OSTM1: variants seen among roughly 807,000 people sequenced by gnomAD.
OSTM1 encodes osteoclastogenesis associated transmembrane protein 1, also known as osteopetrosis-associated transmembrane protein 1.
In OSTM1, 26 loss-of-function variants were observed where a neutral mutation model predicts 35.4. The ratio of observed to expected loss-of-function variants is 0.73; its 90% CI spans 0.54 to 1.02. The LOEUF (loss-of-function observed/expected upper bound fraction) is 1.02, where lower values mean the gene tolerates loss of function less well. OSTM1 is among the 50% of genes least tolerant of loss of function. The probability of loss-of-function intolerance (pLI) is 0.00; values close to 1 mark genes in which losing one functional copy is unlikely to be tolerated. For synonymous variants in OSTM1, 181 were observed against 165.0 expected, an observed-to-expected ratio of 1.10 and a Z score of -0.75; for missense variants, 366 against 409.6, an observed-to-expected ratio of 0.89 and a Z score of 0.92.
chr6:108,062,017 TTTTCTA>T (rs968683230), intron 2 of OSTM1, among the ~76,000 whole-genome samples: 2 of 151,636 alleles, frequency 1.3e-5, no homozygotes, highest in African/African-American at 4.9e-5. Flanking sequence ...TACTACGTTT[TTTTCTA>T]TTTCTATGTT....
At chr6:108,049,691 T>G in intron 4 of OSTM1, 1 of 444,674 alleles carries the variant, frequency 2.2e-6, no homozygotes, top group Non-Finnish European at 3.7e-6. Flanking sequence ...ATTTGTACAT[T>G]CAAACAAAGA....
chr6:108,063,514 A>C (rs1163289156), intron 2 of OSTM1, among the ~76,000 whole-genome samples: 1 of 152,232 alleles, frequency 6.6e-6, no homozygotes, highest in Non-Finnish European at 1.5e-5. Flanking sequence ...TTAAATTATA[A>C]GACTTGAAAA....
chr6:108,052,193 G>A (rs1056472869), intron 3 of OSTM1, among the ~76,000 whole-genome samples: 1 of 152,160 alleles, frequency 6.6e-6, no homozygotes, highest in Non-Finnish European at 1.5e-5. Flanking sequence ...CCAGCACTTT[G>A]GGAGGCCGAG....
chr6:108,060,563 C>T (rs1772254868), intron 2 of OSTM1, among the ~76,000 whole-genome samples: 1 of 151,652 alleles, frequency 6.6e-6, no homozygotes, highest in Admixed American at 6.6e-5. Context: ...ATTAAAAACA[C>T]AAAAATTGGC....
In OSTM1 at chr6:108,053,685, C is replaced by T. The variant is rs545498284; in HGVS notation, c.615+805G>A. ...TTCACCATATTGGCCAGGTTGATCT[C>T]GAACTCCTGACCTCAAGTGACCTGC... On this transcript the variant is annotated intron_variant, in intron 3 of 5. Transcript: ENST00000193322. 3.3e-5 allele frequency among the ~76,000 whole-genome samples: 5 copies of T among 152,212 alleles called. No homozygotes were observed. In the South Asian group the frequency reaches 1.0e-3, roughly 32 times the overall value.
At chr6:108,046,396 C>G (rs1315081426) in intron 5 of OSTM1, among the ~76,000 whole-genome samples, 1 of 148,198 alleles carries the variant, frequency 6.7e-6, no homozygotes, top group Non-Finnish European at 1.5e-5. Flanking sequence ...GGCTGGAGTG[C>G]AGTGGCGCGA....
At chr6:108,068,756 T>C (rs995720228) in intron 1 of OSTM1, among the ~76,000 whole-genome samples, 2 of 150,156 alleles carry the variant, frequency 1.3e-5, no homozygotes, top group South Asian at 2.2e-4. Context: ...ATAGCCAGCA[T>C]AGCCTTTTAA....
At chr6:108,062,776 C>T (rs1772304909) in intron 2 of OSTM1, among the ~76,000 whole-genome samples, 1 of 152,096 alleles carries the variant, frequency 6.6e-6, no homozygotes, top group Non-Finnish European at 1.5e-5. Context: ...AATTCTCCCA[C>T]CTTGGCCTCC....
intron 1 of OSTM1, among the ~76,000 whole-genome samples, chr6:108,064,693 T>C (rs888885105): frequency 6.6e-6 from 1 of 152,242 alleles, no homozygotes; most frequent in African/African-American, 2.4e-5. Flanking sequence ...CCCTTAATTC[T>C]TTCAAAGTTA....
intron 1 of OSTM1, among the ~76,000 whole-genome samples, chr6:108,066,904 C>T (rs1298834869): frequency 6.6e-6 from 1 of 152,120 alleles, no homozygotes; most frequent in Non-Finnish European, 1.5e-5. Flanking sequence ...CGCCAAGTGA[C>T]CAAAAAATCA....
intron 1 of OSTM1, among the ~76,000 whole-genome samples, chr6:108,066,814 C>G (rs1461579232): frequency 1.3e-5 from 2 of 152,124 alleles, no homozygotes; most frequent in African/African-American, 4.8e-5. Context: ...ATGATATCCA[C>G]CTATATATGT....
chr6:108,046,299 C>A (rs897318882), intron 5 of OSTM1, among the ~76,000 whole-genome samples: 1 of 148,028 alleles, frequency 6.8e-6, no homozygotes, highest in Non-Finnish European at 1.5e-5. Flanking sequence ...GGATTACAGG[C>A]GTGAGCCACC....
chr6:108,065,648 CA>C (rs1231012236), intron 1 of OSTM1, among the ~76,000 whole-genome samples: 2 of 152,140 alleles, frequency 1.3e-5, no homozygotes, highest in Non-Finnish European at 2.9e-5. Context: ...GTTTCAAAAT[CA>C]GGGGTCCTAC....
At chr6:108,073,405 T>C (rs1401152134) in intron 1 of OSTM1, among the ~76,000 whole-genome samples, 1 of 152,138 alleles carries the variant, frequency 6.6e-6, no homozygotes, top group East Asian at 1.9e-4. Flanking sequence ...ATAAAGTACT[T>C]AGGAGCAGGA....
At chr6:108,058,459 C>A (rs192725844) in intron 2 of OSTM1, among the ~76,000 whole-genome samples, 75 of 151,698 alleles carry the variant, frequency 4.9e-4, no homozygotes, top group African/African-American at 1.8e-3. Context: ...ATGATTATAA[C>A]GCTTAGTACA....
At chr6:108,048,582 G>A (rs78110187) in intron 5 of OSTM1, among the ~76,000 whole-genome samples, 5,240 of 152,164 alleles carry the variant, frequency 0.034, 99 homozygotes, top group African/African-American at 0.059. Context: ...GCCACACTTA[G>A]GTGGTTCTAC....
In OSTM1 at chr6:108,044,136, T is replaced by C. The variant is rs528221477; in HGVS notation, c.*649A>G. ...ATGAAATAAAGGCAAAAATAAGATGTAAAATACTATTTATAAAAGTCAAGT... is the reference window on the plus strand; with the variant it reads ...ATGAAATAAAGGCAAAAATAAGATGCAAAATACTATTTATAAAAGTCAAGT... On this transcript the variant is annotated 3_prime_UTR_variant, in exon 6 of 6. Coordinates refer to ENST00000193322, the MANE Select transcript of OSTM1 (RefSeq NM_014028.4). 6.5e-6 allele frequency: 1 copy of C among 152,694 alleles called. No individual in the cohort carries two copies. Among genetic ancestry groups the C allele is most frequent in the South Asian group, 2.1e-4 (1 of 4,830 alleles). 9.5% of individuals were successfully genotyped at this position (152,694 alleles called of 1,614,324 possible).
intron 3 of OSTM1, among the ~76,000 whole-genome samples, chr6:108,053,844 C>A (rs1490935566): frequency 6.6e-6 from 1 of 152,076 alleles, no homozygotes; most frequent in Non-Finnish European, 1.5e-5. Flanking sequence ...ATGCTTATAC[C>A]CTAAGCATGT....
chr6:108,063,721 T>C (rs1772328777), intron 2 of OSTM1, among the ~76,000 whole-genome samples: 2 of 152,200 alleles, frequency 1.3e-5, no homozygotes, highest in Admixed American at 6.5e-5. Context: ...ACTGTAAACA[T>C]CATAATTATT....
Sources: gnomAD v4.1 joint callset for allele counts (sites outside exome capture counted in the v4.1 genomes callset) on GRCh38, gnomAD v4.1.1 for gene constraint, MANE v1.5 for transcripts, NCBI Gene and HGNC (gene_info 2026-07-23, HGNC 2026-07-21) for gene names.